ZBTB16: variants seen among roughly 807,000 people sequenced by gnomAD.
ZBTB16 encodes zinc finger and BTB domain-containing protein 16.
ZBTB16 carries 8 observed loss-of-function variants against 56.8 expected under a neutral mutation model. The observed-to-expected ratio is 0.14, with a 90% confidence interval of 0.08 to 0.25. The LOEUF is 0.25. Among genes scored for constraint, ZBTB16 ranks in the 10% least tolerant of loss-of-function variants. The pLI is 1.00. For missense variants in ZBTB16, 625 were observed against 903.0 expected (o/e 0.69, Z 3.95); for synonymous variants, 363 against 368.5 (o/e 0.98, Z 0.17).
chr11:114,239,765 A>G (rs1944663741), intron 4 of ZBTB16, among the ~76,000 whole-genome samples: 3 of 152,166 alleles, frequency 2.0e-5, no homozygotes, highest in African/African-American at 7.2e-5. Context: ...TACTAGAGGC[A>G]GGAGTCCTCT....
chr11:114,229,361 C>CT (rs1329569211), intron 4 of ZBTB16, among the ~76,000 whole-genome samples: 1 of 152,204 alleles, frequency 6.6e-6, no homozygotes, highest in Non-Finnish European at 1.5e-5. Context: ...TAGAGAACAG[C>CT]TAGCAGAGTT....
Position 114,063,109 on chromosome 11 carries a change from G to A in ZBTB16, c.-90-102G>A, listed in dbSNP as rs889973540. The A allele has an allele frequency of 2.7e-5, 17 of 630,448 alleles. No homozygotes were observed. In the African/African-American group the frequency reaches 2.7e-4, roughly 10 times the overall value. The allele number at this position is 630,448 out of a possible 1,614,324, so 39.1% of individuals were successfully genotyped here. ...GCTAAGGGCTTGGCAACAGGGAGGAGGGGGCATGTTGTAGTGGTTGAATTC... is the reference window on the plus strand; with the variant it reads ...GCTAAGGGCTTGGCAACAGGGAGGAAGGGGCATGTTGTAGTGGTTGAATTC... On this transcript the variant is annotated intron_variant, in intron 1 of 6. Coordinates refer to ENST00000335953, the MANE Select transcript of ZBTB16 (RefSeq NM_006006.6). This position sits in a 1 kb window ranked among gnomAD's most constrained non-coding sequence, Gnocchi z 6.5.
At chr11:114,086,374 C>G (rs1939957957) in intron 2 of ZBTB16, among the ~76,000 whole-genome samples, 2 of 152,078 alleles carry the variant, frequency 1.3e-5, no homozygotes, top group Admixed American at 1.3e-4. Flanking sequence ...TCAGGCTTCT[C>G]TGGGAAGCGC....
intron 2 of ZBTB16, among the ~76,000 whole-genome samples, chr11:114,148,264 C>T (rs1478299972): frequency 6.6e-6 from 1 of 151,970 alleles, no homozygotes; most frequent in Non-Finnish European, 1.5e-5. Context: ...ACAGTTCCCT[C>T]CACTCTTCAG....
chr11:114,228,225 T>G (rs934242881), intron 4 of ZBTB16, among the ~76,000 whole-genome samples: 5 of 152,224 alleles, frequency 3.3e-5, no homozygotes, highest in African/African-American at 1.2e-4. Flanking sequence ...TATGTGTGAT[T>G]CTTTGTTATC....
intron 4 of ZBTB16, among the ~76,000 whole-genome samples, chr11:114,230,173 C>T (rs1182700871): frequency 6.6e-6 from 1 of 152,098 alleles, no homozygotes; most frequent in Non-Finnish European, 1.5e-5. Flanking sequence ...TTCCTCTGAC[C>T]CTAGGAAGGC....
At chr11:114,184,481 A>G (rs547649481) in intron 3 of ZBTB16, among the ~76,000 whole-genome samples, 2 of 152,230 alleles carry the variant, frequency 1.3e-5, no homozygotes, top group Non-Finnish European at 2.9e-5. Context: ...GACCCCACCC[A>G]TGGAGTCTTA....
chr11:114,232,632 T>C (rs1944462596), intron 4 of ZBTB16, among the ~76,000 whole-genome samples: 1 of 152,196 alleles, frequency 6.6e-6, no homozygotes, highest in Non-Finnish European at 1.5e-5. Flanking sequence ...TAGGCTAGGC[T>C]TGCTCTGCAG....
At chr11:114,161,883 G>A (rs931776996) in intron 3 of ZBTB16, among the ~76,000 whole-genome samples, 8 of 152,182 alleles carry the variant, frequency 5.3e-5, no homozygotes, top group African/African-American at 1.7e-4. Flanking sequence ...AAGACTGGCC[G>A]TCTGTGTTGG....
chr11:114,235,704 T>TATC, intron 4 of ZBTB16, among the ~76,000 whole-genome samples: 2 of 118,870 alleles, frequency 1.7e-5, no homozygotes, highest in East Asian at 2.4e-4. Context: ...TCTTTCTTTC[T>TATC]TTTCTTTCTT....
At chr11:114,146,114 G>A (rs7118268) in intron 2 of ZBTB16, among the ~76,000 whole-genome samples, 9,968 of 152,230 alleles carry the variant, frequency 0.065, 1,109 homozygotes, top group African/African-American at 0.23. Context: ...AGGGTGAGTA[G>A]CAGTGGGGCA....
chr11:114,085,798 G>C (rs531489639), intron 2 of ZBTB16, among the ~76,000 whole-genome samples: 3 of 152,256 alleles, frequency 2.0e-5, no homozygotes, highest in Non-Finnish European at 4.4e-5. Flanking sequence ...CATGGGGTAG[G>C]ATGGGAGATC....
chr11:114,239,362 G>A (rs1413430507), intron 4 of ZBTB16, among the ~76,000 whole-genome samples: 1 of 152,124 alleles, frequency 6.6e-6, no homozygotes, highest in Admixed American at 6.5e-5. Context: ...CTGATTTAAG[G>A]TAGCTGTTTG....
intron 2 of ZBTB16, among the ~76,000 whole-genome samples, chr11:114,111,156 C>CATGTGT (rs113987370): frequency 6.7e-6 from 1 of 148,848 alleles, no homozygotes; most frequent in East Asian, 2.0e-4. Context: ...ATCTGTGCTG[C>CATGTGT]GTGTGTGTGT....
intron 2 of ZBTB16, among the ~76,000 whole-genome samples, chr11:114,106,443 T>C (rs2137767369): frequency 6.6e-6 from 1 of 152,078 alleles, no homozygotes; most frequent in South Asian, 2.1e-4. Flanking sequence ...AAGAAACTTG[T>C]ATACATTGGT....
chr11:114,119,458 C>T (rs1941281081), intron 2 of ZBTB16, among the ~76,000 whole-genome samples: 1 of 151,874 alleles, frequency 6.6e-6, no homozygotes, highest in Non-Finnish European at 1.5e-5. Flanking sequence ...CTGGATTTCC[C>T]ACCAGGAGCT....
intron 3 of ZBTB16, among the ~76,000 whole-genome samples, chr11:114,172,728 A>T (rs1442385888): frequency 6.6e-6 from 1 of 152,334 alleles, no homozygotes; most frequent in Admixed American, 6.5e-5. Context: ...TCCTGCACAC[A>T]CCAAACTCGC....
intron 2 of ZBTB16, among the ~76,000 whole-genome samples, chr11:114,110,137 T>C (rs891414974): frequency 6.6e-6 from 1 of 152,144 alleles, no homozygotes; most frequent in African/African-American, 2.4e-5. Context: ...TTAGGGCTCT[T>C]GGTGGAGCCC....
At chr11:114,169,136 C>T (rs1301767984) in intron 3 of ZBTB16, among the ~76,000 whole-genome samples, 1 of 152,104 alleles carries the variant, frequency 6.6e-6, no homozygotes, top group Admixed American at 6.5e-5. Context: ...TGCATGGCGA[C>T]GCAACTGGGT....
Sources: gnomAD v4.1 joint callset for allele counts (sites outside exome capture counted in the v4.1 genomes callset) on GRCh38, gnomAD v4.1.1 for gene constraint, Gnocchi (gnomAD v3.1) non-coding constraint, MANE v1.5 for transcripts, NCBI Gene and HGNC (gene_info 2026-07-23, HGNC 2026-07-21) for gene names.